SYNDIG1: variants seen among roughly 807,000 people sequenced by gnomAD.
The protein encoded by SYNDIG1 is synapse differentiation inducing 1.
A neutral mutation model predicts 19.4 loss-of-function variants in SYNDIG1; 9 were observed. That is an observed-to-expected ratio of 0.46 (90% CI 0.28 to 0.81). SYNDIG1 has a LOEUF of 0.81. Among genes scored for constraint, SYNDIG1 ranks in the 30% least tolerant of loss-of-function variants. The pLI is 0.12. For missense variants in SYNDIG1, 311 were observed against 343.3 expected, an observed-to-expected ratio of 0.91 and a Z score of 0.74; for synonymous variants, 141 against 145.9, an observed-to-expected ratio of 0.97 and a Z score of 0.24.
At chr20:24,509,206 G>A (rs140192897) in intron 1 of SYNDIG1, among the ~76,000 whole-genome samples, 248 of 152,294 alleles carry the variant, frequency 1.6e-3, no homozygotes, top group African/African-American at 5.8e-3. Flanking sequence ...ATGTGTGTAT[G>A]TATGTATATG....
chr20:24,518,609 C>T (rs1276792387), intron 1 of SYNDIG1, among the ~76,000 whole-genome samples: 2 of 152,206 alleles, frequency 1.3e-5, no homozygotes, highest in Non-Finnish European at 2.9e-5. Context: ...ACAAAGCTCA[C>T]TTCTTGTGAC....
rs559665176 is a variant in SYNDIG1, at chr20:24,604,729, C to T, written c.618+19736C>T. 4.0e-3 allele frequency among the ~76,000 whole-genome samples: 613 copies of T among 152,192 alleles called. 3 individuals are homozygous for T. Among genetic ancestry groups the T allele is most frequent in the Non-Finnish European group, 6.2e-3 (425 of 68,022 alleles). ...GGGGCTGCTCTGCCTGTGGAGTAGC[C>T]GTTCTTTTATTCCTTTACTTTTTTA... On this transcript the variant is annotated intron_variant, in intron 3 of 3. Transcript: ENST00000376862.
chr20:24,658,847 C>T lies in SYNDIG1; in HGVS notation c.619-6499C>T, dbSNP rs550109910. ...ACCCCCAGCCATGGGTGGCTGTTTA[C>T]TTTTAAATTAGTTAAAATTAAATAA... On this transcript the variant is annotated intron_variant, in intron 3 of 3. Coordinates refer to ENST00000376862, the MANE Select transcript of SYNDIG1 (RefSeq NM_024893.3). This position sits in a 1 kb window ranked among gnomAD's most constrained non-coding sequence, Gnocchi z 4.4. 2.6e-5 allele frequency among the ~76,000 whole-genome samples: 4 copies of T among 152,290 alleles called. No individual in the cohort carries two copies. The East Asian group carries it at 7.7e-4, about 29-fold the overall frequency.
At chr20:24,553,477 TA>T (rs2057748693) in intron 2 of SYNDIG1, among the ~76,000 whole-genome samples, 1 of 152,240 alleles carries the variant, frequency 6.6e-6, no homozygotes, top group Admixed American at 6.5e-5. Context: ...CATCTTGAAT[TA>T]ATTTTTGTAT....
chr20:24,503,173 T>G (rs2056497987), intron 1 of SYNDIG1, among the ~76,000 whole-genome samples: 1 of 152,198 alleles, frequency 6.6e-6, no homozygotes, highest in Non-Finnish European at 1.5e-5. Context: ...TCCTGAGGAC[T>G]GTGGGGGAAG....
At chr20:24,564,920 C>T (rs1011273222) in intron 2 of SYNDIG1, among the ~76,000 whole-genome samples, 3 of 152,282 alleles carry the variant, frequency 2.0e-5, no homozygotes, top group East Asian at 1.9e-4. Flanking sequence ...TAATGAAGCC[C>T]GCATTGTGCC....
Position 24,584,943 on chromosome 20 carries a change from C to T in SYNDIG1, c.568C>T (p.Leu190Phe). ...DHLGLSVFSM[L>F]CCFWPLGIAA... ...CCTGGGCCTCAGTGTCTTCTCCATG[C>T]TCTGCTGCTTCTGGCCTCTGGGCAT... The change falls in exon 3 of 4, where the codon CTC becomes TTC. Residue 190 changes from leucine (L) to phenylalanine (F), a missense_variant. By Grantham distance (22) the Leu-to-Phe change is conservative (BLOSUM62 0). Coordinates refer to ENST00000376862, the MANE Select transcript of SYNDIG1 (RefSeq NM_024893.3). The T allele has an allele frequency of 6.2e-7, 1 of 1,613,908 alleles. No homozygotes were observed. Among genetic ancestry groups the T allele is most frequent in the African/African-American group, 1.3e-5 (1 of 74,948 alleles).
At chr20:24,590,191 G>C (rs1739437921) in intron 3 of SYNDIG1, among the ~76,000 whole-genome samples, 1 of 152,146 alleles carries the variant, frequency 6.6e-6, no homozygotes, top group Non-Finnish European at 1.5e-5. Context: ...AGTTGAGCCA[G>C]GGGGAGCCCT....
At chr20:24,531,693 ACT>A (rs1480547543) in intron 1 of SYNDIG1, among the ~76,000 whole-genome samples, 1 of 152,050 alleles carries the variant, frequency 6.6e-6, no homozygotes, top group African/African-American at 2.4e-5. Context: ...ACCATGTATA[ACT>A]CTGTCACTTT....
At chr20:24,656,325 G>T (rs2059525497) in intron 3 of SYNDIG1, among the ~76,000 whole-genome samples, 1 of 152,210 alleles carries the variant, frequency 6.6e-6, no homozygotes, top group Non-Finnish European at 1.5e-5. Flanking sequence ...GACGAATAAG[G>T]AGAGTGACAG....
intron 3 of SYNDIG1, among the ~76,000 whole-genome samples, chr20:24,590,379 G>T (rs964836373): frequency 6.6e-6 from 1 of 152,178 alleles, no homozygotes; most frequent in African/African-American, 2.4e-5. Flanking sequence ...TTTAGGCTGT[G>T]ACCGAGCGGG....
At chr20:24,476,485 C>T (rs751518803) in intron 1 of SYNDIG1, among the ~76,000 whole-genome samples, 4 of 151,960 alleles carry the variant, frequency 2.6e-5, no homozygotes, top group African/African-American at 4.8e-5. Flanking sequence ...CTGGTTAACA[C>T]GGTGAAACCC....
At chr20:24,512,150 T>TATATATATATATATATAC (rs1568598856) in intron 1 of SYNDIG1, among the ~76,000 whole-genome samples, 1 of 118,536 alleles carries the variant, frequency 8.4e-6, no homozygotes, top group African/African-American at 3.2e-5. Flanking sequence ...TATATATATA[T>TATATATATATATATATAC]ATATGCAGTG....
At chr20:24,633,154 T>C (rs1177672005) in intron 3 of SYNDIG1, among the ~76,000 whole-genome samples, 1 of 152,050 alleles carries the variant, frequency 6.6e-6, no homozygotes, top group Non-Finnish European at 1.5e-5. Flanking sequence ...GCTAAACACT[T>C]AGTGAGGAAG....
chr20:24,559,308 G>T (rs1322752544), intron 2 of SYNDIG1, among the ~76,000 whole-genome samples: 2 of 152,170 alleles, frequency 1.3e-5, no homozygotes, highest in African/African-American at 4.8e-5. Context: ...GAGAGTGGGA[G>T]CAGGGAGGAT....
intron 3 of SYNDIG1, among the ~76,000 whole-genome samples, chr20:24,611,289 C>T (rs770101145): frequency 6.6e-5 from 10 of 152,184 alleles, no homozygotes; most frequent in Non-Finnish European, 1.3e-4. Flanking sequence ...AACCGTTAGA[C>T]TATTCTTCCA....
At chr20:24,565,527 G>C (rs536246818) in intron 2 of SYNDIG1, among the ~76,000 whole-genome samples, 2 of 152,266 alleles carry the variant, frequency 1.3e-5, no homozygotes, top group East Asian at 3.9e-4. Context: ...CCCAGGCTGG[G>C]TGATGTTTGG....
intron 3 of SYNDIG1, among the ~76,000 whole-genome samples, chr20:24,613,482 G>A (rs916431571): frequency 1.3e-5 from 2 of 152,110 alleles, no homozygotes; most frequent in East Asian, 3.9e-4. Flanking sequence ...ATGGAACCAG[G>A]ACTGGGCGAG....
At chr20:24,508,789 C>G (rs1408212679) in intron 1 of SYNDIG1, among the ~76,000 whole-genome samples, 1 of 152,086 alleles carries the variant, frequency 6.6e-6, no homozygotes, top group Non-Finnish European at 1.5e-5. Context: ...TGCACCAGCT[C>G]CCACTCCACT....
Sources: gnomAD v4.1 joint callset for allele counts (sites outside exome capture counted in the v4.1 genomes callset) on GRCh38, gnomAD v4.1.1 for gene constraint, Gnocchi (gnomAD v3.1) non-coding constraint, MANE v1.5 for transcripts, NCBI Gene and HGNC (gene_info 2026-07-23, HGNC 2026-07-21) for gene names.